Variants in MRPS35 observed in about 807,000 individuals in gnomAD.
MRPS35 encodes the protein mitochondrial ribosomal protein S35.
MRPS35 carries 29 observed loss-of-function variants against 32.7 expected under a neutral mutation model. The ratio of observed to expected loss-of-function variants is 0.89; its 90% CI spans 0.66 to 1.21. The LOEUF is 1.21. Ranked by LOEUF, MRPS35 falls within the 50% of genes most tolerant of loss-of-function variation. MRPS35 has a pLI of 0.00. For synonymous variants in MRPS35, 148 were observed against 139.3 expected, an observed-to-expected ratio of 1.06 and a Z score of -0.44; for missense variants, 373 against 383.8, an observed-to-expected ratio of 0.97 and a Z score of 0.23.
chr12:27,745,166 T>C (rs906470325), intron 7 of MRPS35, among the ~76,000 whole-genome samples: 3 of 152,242 alleles, frequency 2.0e-5, no homozygotes, highest in Non-Finnish European at 4.4e-5. Flanking sequence ...TTTTCTTTTT[T>C]TTAACACAAA....
chr12:27,717,721 T>C (rs2061856664), intron 3 of MRPS35, among the ~76,000 whole-genome samples: 1 of 152,226 alleles, frequency 6.6e-6, no homozygotes, highest in Non-Finnish European at 1.5e-5. Flanking sequence ...AAGAGGTCTT[T>C]GGAGAATCAC....
chr12:27,712,184 A>G (rs895584219), intron 1 of MRPS35, among the ~76,000 whole-genome samples: 3 of 152,112 alleles, frequency 2.0e-5, no homozygotes, highest in South Asian at 2.1e-4. Flanking sequence ...ATGGGGAACT[A>G]TAAGTGCAAA....
chr12:27,711,084 C>T lies in MRPS35; in HGVS notation c.112+129C>T, dbSNP rs113725799. On this transcript the variant is annotated intron_variant, in intron 1 of 7. Transcript: ENST00000081029. ...AGGCCAGTGCGTCCGCTGCCAGGCC[C>T]GTCTGGTAGGAAAACCATGGACGTG... 5.3e-3 allele frequency: 4,228 copies of T among 793,034 alleles called. 108 individuals are homozygous for T. The highest frequency in any genetic ancestry group is 0.038 in the South Asian group (2,411 of 62,974). 49.1% of individuals were successfully genotyped at this position (793,034 alleles called of 1,614,324 possible). A position where few individuals can be genotyped will look rare whatever the true frequency, so the allele number is the denominator to read the frequency against.
intron 7 of MRPS35, among the ~76,000 whole-genome samples, chr12:27,748,513 A>G (rs2061989003): frequency 6.6e-6 from 1 of 151,588 alleles, no homozygotes; most frequent in Admixed American, 6.6e-5. Flanking sequence ...TAAATATTTA[A>G]TGGTCAAAGC....
chr12:27,755,316 A>G lies in MRPS35; in HGVS notation c.838A>G (p.Lys280Glu), dbSNP rs771035647. The G allele has an allele frequency of 6.8e-6, 11 of 1,612,558 alleles. No individual in the cohort carries two copies. In the African/African-American group the frequency reaches 1.2e-4, roughly 18 times the overall value. ...KAAEKNMEIN[K>E]EELLGTKEIE... Reference sequence around the variant, plus strand: ...TGCTGAGAAAAATATGGAAATAAATAAAGAAGAGCTCCTTGGTACTAAAGA... The same window carrying G: ...TGCTGAGAAAAATATGGAAATAAATGAAGAAGAGCTCCTTGGTACTAAAGA... The change falls in exon 8 of 8, where the codon AAA becomes GAA. Residue 280 changes from lysine (K) to glutamate (E), a missense_variant. By Grantham distance (56) the Lys-to-Glu change is moderately conservative (BLOSUM62 1). Coordinates refer to ENST00000081029, the MANE Select transcript of MRPS35 (RefSeq NM_021821.4).
In MRPS35 at chr12:27,755,351, G is replaced by T; in HGVS notation, c.873G>T (p.Glu291Asp). 1 of 1,603,846 alleles carries T rather than the reference G, an allele frequency of 6.2e-7. No homozygotes were observed. The change falls in exon 8 of 8, where the codon GAG becomes GAT. Residue 291 changes from glutamate (E) to aspartate (D), a missense_variant. Physicochemically the swap from Glu to Asp is conservative, Grantham distance 45. Transcript: ENST00000081029. ...EELLGTKEIE[E>D]YKKSVVSLKN... ...TCCTTGGTACTAAAGAAATTGAAGA[G>T]TACAAAAAGTCTGTTGTTAGTCTTA... is the stretch of plus-strand genomic sequence containing the variant.
intron 7 of MRPS35, among the ~76,000 whole-genome samples, chr12:27,748,893 G>A (rs149517702): frequency 7.1e-4 from 108 of 152,210 alleles, no homozygotes; most frequent in African/African-American, 2.2e-3. Context: ...GGTGGTACCC[G>A]TCTCTAATTC....
intron 7 of MRPS35, among the ~76,000 whole-genome samples, chr12:27,742,203 A>G (rs1209134910): frequency 6.6e-6 from 1 of 152,274 alleles, no homozygotes; most frequent in Non-Finnish European, 1.5e-5. Context: ...TTGCAGAGCC[A>G]TAATCACCAT....
At chr12:27,734,324 C>T (rs1363396411) in intron 5 of MRPS35, among the ~76,000 whole-genome samples, 1 of 150,254 alleles carries the variant, frequency 6.7e-6, no homozygotes, top group African/African-American at 2.4e-5. Context: ...CTCACCAAAA[C>T]CTCCGCCTCC....
At chr12:27,744,530 T>G (rs1452976389) in intron 7 of MRPS35, among the ~76,000 whole-genome samples, 1 of 152,226 alleles carries the variant, frequency 6.6e-6, no homozygotes, top group Non-Finnish European at 1.5e-5. Context: ...TGAGTTCAGT[T>G]CATGATGCAA....
In MRPS35 at chr12:27,729,803, C is replaced by A. The variant is rs530610701; in HGVS notation, c.522+5617C>A. On this transcript the variant is annotated intron_variant, in intron 5 of 7. Transcript: ENST00000081029. ...ATATTGCTTTGGAGAAACATGAGATCCCTACTGTTACTCACCTGGACCACG... is the reference window on the plus strand; with the variant it reads ...ATATTGCTTTGGAGAAACATGAGATACCTACTGTTACTCACCTGGACCACG... 5.3e-5 allele frequency among the ~76,000 whole-genome samples: 8 copies of A among 151,658 alleles called. No individual in the cohort carries two copies. The East Asian group carries it at 1.3e-3, about 26-fold the overall frequency.
intron 1 of MRPS35, among the ~76,000 whole-genome samples, chr12:27,713,426 T>G (rs1184179861): frequency 6.6e-6 from 1 of 152,110 alleles, no homozygotes; most frequent in African/African-American, 2.4e-5. Flanking sequence ...TTCAGAAACC[T>G]CAGAACCACA....
intron 7 of MRPS35, among the ~76,000 whole-genome samples, chr12:27,740,475 G>A (rs2061960175): frequency 6.6e-6 from 1 of 152,038 alleles, no homozygotes; most frequent in South Asian, 2.1e-4. Context: ...TCACTGTGTT[G>A]TCCAGGTTGG....
intron 4 of MRPS35, among the ~76,000 whole-genome samples, chr12:27,722,553 C>A (rs2140759435): frequency 6.6e-6 from 1 of 151,798 alleles, no homozygotes; most frequent in South Asian, 2.1e-4. Flanking sequence ...TCAGTGCAAA[C>A]CCAAGAGCTC....
intron 5 of MRPS35, among the ~76,000 whole-genome samples, chr12:27,726,547 C>T (rs2061901376): frequency 6.6e-6 from 1 of 152,094 alleles, no homozygotes; most frequent in Non-Finnish European, 1.5e-5. Flanking sequence ...CCATATTTAA[C>T]ATTTTGAGGA....
chr12:27,711,050 G>T lies in MRPS35; in HGVS notation c.112+95G>T, dbSNP rs571940819. On this transcript the variant is annotated intron_variant, in intron 1 of 7. Transcript: ENST00000081029. ...GTGCCGCGGTGGCTGAGCCAGCGCC[G>T]CCCGGGGGAGGCCAGTGCGTCCGCT... 3.5e-6 allele frequency: 4 copies of T among 1,158,630 alleles called. No homozygotes were observed. In the African/African-American group the frequency reaches 6.1e-5, roughly 18 times the overall value. 71.8% of individuals were successfully genotyped at this position (1,158,630 alleles called of 1,614,324 possible). A position where few individuals can be genotyped will look rare whatever the true frequency, so the allele number is the denominator to read the frequency against.
intron 3 of MRPS35, among the ~76,000 whole-genome samples, chr12:27,717,021 T>C (rs1384576475): frequency 6.6e-6 from 1 of 152,068 alleles, no homozygotes; most frequent in Non-Finnish European, 1.5e-5. Context: ...TTAGTCAATC[T>C]TGTGGCTTCC....
chr12:27,729,270 A>G (rs1181443827), intron 5 of MRPS35, among the ~76,000 whole-genome samples: 5 of 152,066 alleles, frequency 3.3e-5, no homozygotes, highest in Non-Finnish European at 1.5e-5. Flanking sequence ...GGAATCAGCC[A>G]TTTTTCAAGG....
At chr12:27,752,093 A>AT (rs201469327) in intron 7 of MRPS35, among the ~76,000 whole-genome samples, 25 of 150,990 alleles carry the variant, frequency 1.7e-4, no homozygotes, top group Admixed American at 3.3e-4. Context: ...AAAAAATAAA[A>AT]TAAAATTAGC....
Sources: allele counts gnomAD v4.1 joint callset (sites outside exome capture counted in the v4.1 genomes callset), GRCh38; gene constraint gnomAD v4.1.1; transcripts MANE v1.5; gene names NCBI Gene and HGNC (gene_info 2026-07-23, HGNC 2026-07-21).